The following OPCML variants were observed in gnomAD, a reference collection of about 807,000 sequenced individuals.
OPCML encodes the protein opioid binding protein/cell adhesion molecule like, also known as opioid-binding protein/cell adhesion molecule.
OPCML carries 13 observed loss-of-function variants against 37.8 expected under a neutral mutation model. That is an observed-to-expected ratio of 0.34 (90% CI 0.22 to 0.55). The LOEUF is 0.55. OPCML is among the 20% of genes least tolerant of loss of function. OPCML has a pLI of 0.91. For missense variants in OPCML, 341 were observed against 435.6 expected (o/e 0.78, Z 1.93); for synonymous variants, 176 against 168.8 (o/e 1.04, Z -0.33).
At chr11:132,742,835 A>G (rs1470349726) in intron 2 of OPCML, among the ~76,000 whole-genome samples, 1 of 150,750 alleles carries the variant, frequency 6.6e-6, no homozygotes, top group Non-Finnish European at 1.5e-5. Flanking sequence ...CTCATTATAT[A>G]TAATGTATAC....
chr11:133,105,161 A>T (rs1949138259), intron 1 of OPCML, among the ~76,000 whole-genome samples: 1 of 152,172 alleles, frequency 6.6e-6, no homozygotes, highest in South Asian at 2.1e-4. Flanking sequence ...GATGGTGGCT[A>T]AAAATAAAAT....
chr11:132,741,847 A>G lies in OPCML; in HGVS notation c.147-84528T>C, dbSNP rs1366050468. Among the ~76,000 whole-genome samples the G allele has an allele frequency of 2.0e-5, 3 of 151,810 alleles. No homozygotes were observed. In the East Asian group the frequency reaches 5.8e-4, roughly 29 times the overall value. ...TTTGAGACCAGCCTGACCAACATGA[A>G]GAAACCCCGTCTCTACTAAAAAAAA... On this transcript the variant is annotated intron_variant, in intron 2 of 7. Transcript: ENST00000524381.
chr11:133,140,859 A>AGACGAC (rs1555102486), intron 1 of OPCML, among the ~76,000 whole-genome samples: 1 of 33,466 alleles, frequency 3.0e-5, no homozygotes. Flanking sequence ...ACGACGAAGA[A>AGACGAC]GACGACGACG....
At chr11:133,006,251 A>T (rs1362962282) in intron 1 of OPCML, 1 of 544,340 alleles carries the variant, frequency 1.8e-6, no homozygotes, top group East Asian at 1.5e-4. Flanking sequence ...TCAAGCTGCC[A>T]GTGGGAAGTG....
At chr11:132,643,168 T>C (rs984086119) in intron 3 of OPCML, among the ~76,000 whole-genome samples, 1 of 152,108 alleles carries the variant, frequency 6.6e-6, no homozygotes, top group East Asian at 1.9e-4. Context: ...TCCCAGCTTC[T>C]CGGGAAGCTG....
intron 1 of OPCML, among the ~76,000 whole-genome samples, chr11:133,458,866 T>TAGATGCACGTGTGTGTGTATATAC (rs1946790645): frequency 3.1e-5 from 3 of 97,404 alleles, no homozygotes; most frequent in Admixed American, 9.9e-5. Context: ...TGTGTATATA[T>TAGATGCACGTGTGTGTGTATATAC]ACACACACAT....
chr11:132,982,658 T>C (rs1283610690), intron 1 of OPCML, among the ~76,000 whole-genome samples: 1 of 152,180 alleles, frequency 6.6e-6, no homozygotes, highest in Non-Finnish European at 1.5e-5. Context: ...CTCTGAAATA[T>C]AAGCAGTTTG....
intron 1 of OPCML, among the ~76,000 whole-genome samples, chr11:133,183,263 C>T (rs1006643783): frequency 2.0e-5 from 3 of 152,168 alleles, no homozygotes; most frequent in Admixed American, 6.5e-5. Flanking sequence ...ACTGACTGCA[C>T]GATTTCTGCT....
intron 2 of OPCML, among the ~76,000 whole-genome samples, chr11:132,845,040 G>A (rs1941461761): frequency 6.6e-6 from 1 of 151,232 alleles, no homozygotes; most frequent in Non-Finnish European, 1.5e-5. Flanking sequence ...TGTGTTCACA[G>A]CCACAAATAC....
At chr11:132,715,603 G>A (rs1350298171) in intron 2 of OPCML, among the ~76,000 whole-genome samples, 1 of 152,154 alleles carries the variant, frequency 6.6e-6, no homozygotes, top group African/African-American at 2.4e-5. Flanking sequence ...TAAAAAAGAG[G>A]ACAGCTTGCT....
chr11:132,893,789 C>T (rs1943738794), intron 2 of OPCML, among the ~76,000 whole-genome samples: 1 of 152,230 alleles, frequency 6.6e-6, no homozygotes, highest in South Asian at 2.1e-4. Context: ...GAAAGAATTT[C>T]ATATTAAACC....
intron 1 of OPCML, among the ~76,000 whole-genome samples, chr11:133,081,013 G>A (rs1001066021): frequency 6.6e-6 from 1 of 152,070 alleles, no homozygotes; most frequent in Admixed American, 6.5e-5. Flanking sequence ...TTTGGTGAGA[G>A]GACCAGTTTC....
intron 2 of OPCML, among the ~76,000 whole-genome samples, chr11:132,699,726 A>C (rs963094967): frequency 6.6e-6 from 1 of 152,086 alleles, no homozygotes; most frequent in Non-Finnish European, 1.5e-5. Flanking sequence ...GACTCTTTTA[A>C]TGTGCTATAA....
At chr11:133,289,627 T>C (rs537795484) in intron 1 of OPCML, among the ~76,000 whole-genome samples, 2 of 151,434 alleles carry the variant, frequency 1.3e-5, no homozygotes, top group Admixed American at 1.3e-4. Context: ...AATTGACATA[T>C]TAGTTTCACG....
At chr11:133,492,140 G>A (rs1271824113) in intron 1 of OPCML, among the ~76,000 whole-genome samples, 1 of 152,148 alleles carries the variant, frequency 6.6e-6, no homozygotes, top group African/African-American at 2.4e-5. Context: ...CCTGCTCTAA[G>A]GAAAAACGTA....
chr11:133,166,515 A>T (rs1950210595), intron 1 of OPCML, among the ~76,000 whole-genome samples: 1 of 152,216 alleles, frequency 6.6e-6, no homozygotes, highest in South Asian at 2.1e-4. Context: ...TAATGTTATA[A>T]TATTGGCATA....
chr11:133,529,986 G>A (rs568493925), intron 1 of OPCML, among the ~76,000 whole-genome samples: 1 of 152,110 alleles, frequency 6.6e-6, no homozygotes, highest in African/African-American at 2.4e-5. Context: ...CCGGGCTCCT[G>A]ACACAATTAG....
intron 1 of OPCML, among the ~76,000 whole-genome samples, chr11:133,170,335 A>C (rs574494850): frequency 3.6e-4 from 55 of 152,194 alleles, no homozygotes; most frequent in African/African-American, 1.3e-3. Flanking sequence ...AAATACAAAA[A>C]CTTAGCCGGA....
rs544482291 is a variant in OPCML at position 133,272,252 on chromosome 11, TAA to T, written c.61+260010_61+260011del. On this transcript the variant is annotated intron_variant, in intron 1 of 7. Coordinates refer to ENST00000524381, the MANE Select transcript of OPCML (RefSeq NM_001012393.5). ...TTAAGCAGTTGTAGGATATTTGGAC[TAA>T]AAAAAAAAAAAAAAAGAAAACTGAA... Among the ~76,000 whole-genome samples, 302 of 124,416 alleles carry T rather than the reference TAA, an allele frequency of 2.4e-3. 5 individuals are homozygous for T. The highest frequency in any genetic ancestry group is 0.014 in the Middle Eastern group (3 of 222). The allele number at this position is 124,416 out of a possible 152,430, so 81.6% of individuals were successfully genotyped here.
Sources: gnomAD v4.1 joint callset for allele counts (sites outside exome capture counted in the v4.1 genomes callset) on GRCh38, gnomAD v4.1.1 for gene constraint, MANE v1.5 for transcripts, NCBI Gene and HGNC (gene_info 2026-07-23, HGNC 2026-07-21) for gene names.